Variants in SPTLC1 observed in about 807,000 individuals in gnomAD.
SPTLC1 encodes serine palmitoyltransferase long chain base subunit 1.
A neutral mutation model predicts 68.9 loss-of-function variants in SPTLC1; 55 were observed. The observed-to-expected ratio is 0.80, with a 90% CI of 0.64 to 1.00. The LOEUF (loss-of-function observed/expected upper bound fraction) is 1.00, where lower values mean the gene tolerates loss of function less well. SPTLC1 is among the 50% of genes least tolerant of loss of function. The pLI, the probability that SPTLC1 is intolerant of heterozygous loss-of-function variation, is 0.00. For synonymous variants in SPTLC1, 197 were observed against 201.6 expected, an observed-to-expected ratio of 0.98 and a Z score of 0.19; for missense variants, 449 against 573.1, an observed-to-expected ratio of 0.78 and a Z score of 2.21.
intron 5 of SPTLC1, among the ~76,000 whole-genome samples, chr9:92,069,126 T>A (rs1834390460): frequency 6.6e-6 from 1 of 152,042 alleles, no homozygotes; most frequent in Admixed American, 6.6e-5. Flanking sequence ...GAGTGAGCCG[T>A]GATGTGTCTA....
intron 3 of SPTLC1, among the ~76,000 whole-genome samples, chr9:92,101,916 T>TACGG (rs1227330770): frequency 6.6e-6 from 1 of 152,038 alleles, no homozygotes; most frequent in Non-Finnish European, 1.5e-5. Flanking sequence ...TTGGGAGAGA[T>TACGG]ACGGACATCC....
At chr9:92,041,863 T>G (rs1564082722) in intron 12 of SPTLC1, among the ~76,000 whole-genome samples, 1 of 152,240 alleles carries the variant, frequency 6.6e-6, no homozygotes, top group African/African-American at 2.4e-5. Context: ...ATGATTTACC[T>G]TAATAGATGT....
chr9:92,101,216 A>C (rs1835737201), intron 3 of SPTLC1, among the ~76,000 whole-genome samples: 4 of 152,182 alleles, frequency 2.6e-5, no homozygotes, highest in African/African-American at 4.8e-5. Flanking sequence ...ATAATAAAAA[A>C]AAACAAGCCA....
chr9:92,106,052 T>C (rs1835967696), intron 3 of SPTLC1, among the ~76,000 whole-genome samples: 2 of 146,324 alleles, frequency 1.4e-5, no homozygotes, highest in Non-Finnish European at 3.0e-5. Flanking sequence ...CCCTCACCGT[T>C]TGTAAGGGAG....
rs761625053 is a variant in SPTLC1, at chr9:92,049,960, A to G, written c.888T>C (p.Asn296=). 154 of 1,598,746 alleles carry G rather than the reference A, an allele frequency of 9.6e-5. 2 individuals are homozygous for G. In the South Asian group the frequency reaches 1.5e-3, roughly 15 times the overall value. The change falls in exon 9 of 15, where the codon AAT becomes AAC. Residue 296 remains asparagine, a splice_region_variant and synonymous_variant. Transcript: ENST00000262554. ...GRGVTEHYGI[N]IDDIDLISAN... is the part of the protein sequence containing the mutation. ...ACGTTCTTAAAAAAGGGGAACTTAC[A>G]TTGATTCCATAGTGTTCAGTGACTC...
At position 92,047,207 on chromosome 9, in the gene SPTLC1, G is replaced by A; in HGVS notation, c.1046C>T (p.Ala349Val). 1.2e-6 allele frequency: 2 copies of A among 1,614,094 alleles called. No individual in the cohort carries two copies. The highest frequency in any genetic ancestry group is 1.7e-6 in the Non-Finnish European group (2 of 1,179,942). Residue 349 changes from alanine to valine, a missense_variant, in exon 11 of 15, where the codon GCA (alanine) becomes GTA (valine). By Grantham distance (64) the Ala-to-Val change is moderately conservative. Transcript: ENST00000262554. The stretch of plus-strand genomic sequence containing the variant: ...TTCCATGATGTTGAGGGCCTCAATT[G>A]CTGCAGCAGCTAACAGGGGAGGTAA... ...ASLPPLLAAAAIEALNIMEEN... is the reference protein window; with the variant it reads ...ASLPPLLAAAVIEALNIMEEN...
intron 3 of SPTLC1, among the ~76,000 whole-genome samples, chr9:92,086,371 T>C (rs1254481433): frequency 2.6e-5 from 4 of 152,254 alleles, no homozygotes; most frequent in Admixed American, 2.6e-4. Context: ...GATTTTGCAG[T>C]GACTGGTACC....
intron 6 of SPTLC1, among the ~76,000 whole-genome samples, chr9:92,066,757 G>A (rs751026478): frequency 2.0e-5 from 3 of 152,146 alleles, no homozygotes; most frequent in Non-Finnish European, 2.9e-5. Context: ...AGTGGCTCAC[G>A]CCTGTAATCC....
intron 3 of SPTLC1, chr9:92,107,768 T>A (rs1184020948): frequency 6.6e-6 from 1 of 151,654 alleles, no homozygotes; most frequent in African/African-American, 2.4e-5. Flanking sequence ...AAAAGATTGG[T>A]AGGTTTGATT....
chr9:92,045,232 T>C (rs1394970283), intron 12 of SPTLC1, among the ~76,000 whole-genome samples: 2 of 152,136 alleles, frequency 1.3e-5, no homozygotes, highest in East Asian at 3.9e-4. Flanking sequence ...CAGATAGGAC[T>C]TTCATGACCA....
At chr9:92,088,043 TC>T (rs1446231781) in intron 3 of SPTLC1, among the ~76,000 whole-genome samples, 2 of 152,220 alleles carry the variant, frequency 1.3e-5, no homozygotes, top group Non-Finnish European at 2.9e-5. Context: ...CGTAGGACCC[TC>T]CGAGCCAGGT....
At chr9:92,048,860 A>C (rs1833607434) in intron 9 of SPTLC1, among the ~76,000 whole-genome samples, 1 of 152,210 alleles carries the variant, frequency 6.6e-6, no homozygotes, top group Non-Finnish European at 1.5e-5. Flanking sequence ...ATCCAAATAA[A>C]GCCCGTACAT....
chr9:92,106,472 CAAAAA>C (rs34928872), intron 3 of SPTLC1, among the ~76,000 whole-genome samples: 1 of 68,392 alleles, frequency 1.5e-5, no homozygotes, highest in South Asian at 5.1e-4. Context: ...GACTCCGTCT[CAAAAA>C]AAAAAAAAAA....
intron 3 of SPTLC1, chr9:92,104,986 C>T: frequency 1.3e-6 from 2 of 1,530,784 alleles, no homozygotes; most frequent in South Asian, 2.4e-5. Context: ...CAACAGTGCT[C>T]CCTGCCCCAG....
chr9:92,050,282 AG>A (rs1833662698), intron 8 of SPTLC1: 2 of 505,760 alleles, frequency 4.0e-6, no homozygotes, highest in African/African-American at 3.9e-5. Flanking sequence ...AGAGCAGTGA[AG>A]AATTTGAATT....
intron 3 of SPTLC1, among the ~76,000 whole-genome samples, chr9:92,081,421 A>AAG (rs1834880735): frequency 6.6e-6 from 1 of 152,200 alleles, no homozygotes. Flanking sequence ...GAAGCCACTA[A>AAG]AGAGTAAGTG....
intron 8 of SPTLC1, among the ~76,000 whole-genome samples, chr9:92,054,389 G>A (rs116674429): frequency 0.021 from 3,202 of 152,270 alleles, 104 homozygotes; most frequent in African/African-American, 0.074. Context: ...TAGATTAATG[G>A]CTGTCTGGGG....
chr9:92,088,615 C>T (rs1483906686), intron 3 of SPTLC1, among the ~76,000 whole-genome samples: 2 of 151,884 alleles, frequency 1.3e-5, no homozygotes, highest in African/African-American at 4.8e-5. Context: ...GTGCCATAAA[C>T]GTTGAGACCA....
chr9:92,085,222 T>A (rs1835070522), intron 3 of SPTLC1, among the ~76,000 whole-genome samples: 1 of 150,806 alleles, frequency 6.6e-6, no homozygotes, highest in Middle Eastern at 3.4e-3. Context: ...TTTGAAGGGT[T>A]TTTTGTGTCT....
Sources: gnomAD v4.1 joint callset for allele counts (sites outside exome capture counted in the v4.1 genomes callset) on GRCh38, gnomAD v4.1.1 for gene constraint, MANE v1.5 for transcripts, NCBI Gene and HGNC (gene_info 2026-07-23, HGNC 2026-07-21) for gene names.